UBE2R2: variants seen among roughly 807,000 people sequenced by gnomAD.
UBE2R2 encodes ubiquitin conjugating enzyme E2 R2.
A neutral mutation model predicts 27.8 loss-of-function variants in UBE2R2; 1 was observed. The ratio of observed to expected loss-of-function variants is 0.04; its 90% CI spans 0.01 to 0.17. UBE2R2 has a LOEUF of 0.17. Ranked by LOEUF, UBE2R2 falls within the 10% of genes least tolerant of loss-of-function variation. The probability of loss-of-function intolerance (pLI) is 1.00; values close to 1 mark genes in which losing one functional copy is unlikely to be tolerated. For missense variants in UBE2R2, 100 were observed against 291.0 expected, an observed-to-expected ratio of 0.34 and a Z score of 4.78; for synonymous variants, 106 against 113.3, an observed-to-expected ratio of 0.94 and a Z score of 0.41.
Position 33,854,701 on chromosome 9 carries a change from A to T in UBE2R2, c.178-32180A>T, listed in dbSNP as rs1587446861. Among the ~76,000 whole-genome samples, 3 of 151,554 alleles carry T rather than the reference A, an allele frequency of 2.0e-5. No homozygotes were observed. In the East Asian group the frequency reaches 5.8e-4, roughly 29 times the overall value. Reference sequence around the variant, plus strand: ...GATTAGTTTCTGAGAAGGGAGTATTAAAATCTGCAAGTGCAATTTTTTTTT... The same window carrying T: ...GATTAGTTTCTGAGAAGGGAGTATTTAAATCTGCAAGTGCAATTTTTTTTT... On this transcript the variant is annotated intron_variant, in intron 1 of 4. Coordinates refer to ENST00000263228, the MANE Select transcript of UBE2R2 (RefSeq NM_017811.4).
intron 1 of UBE2R2, among the ~76,000 whole-genome samples, chr9:33,873,920 G>A (rs897395673): frequency 6.6e-6 from 1 of 151,134 alleles, no homozygotes. Context: ...TAGGGTTTCA[G>A]GCATGAACCA....
At chr9:33,817,962 C>T (rs1208312015) in intron 1 of UBE2R2, 28 bp downstream of exon 1, 1 of 1,591,754 alleles carries the variant, frequency 6.3e-7, no homozygotes, top group Non-Finnish European at 8.6e-7. Flanking sequence ...CCGGACCCTG[C>T]TTCCGCGGCC....
chr9:33,904,270 C>T (rs1822304974), intron 3 of UBE2R2, among the ~76,000 whole-genome samples: 1 of 152,102 alleles, frequency 6.6e-6, no homozygotes, highest in Non-Finnish European at 1.5e-5. Context: ...TGGAAATGGG[C>T]AACTATTTTC....
upstream of UBE2R2, among the ~76,000 whole-genome samples, chr9:33,815,585 A>G (rs1056858188): frequency 2.6e-5 from 4 of 152,154 alleles, no homozygotes; most frequent in Non-Finnish European, 5.9e-5. Flanking sequence ...TCTCTACTAA[A>G]AATACAAAAA....
At chr9:33,892,533 T>A (rs7357700) in intron 2 of UBE2R2, among the ~76,000 whole-genome samples, 92,304 of 151,880 alleles carry the variant, frequency 0.61, 28,145 homozygotes, top group East Asian at 0.77. Context: ...CTCTATGGGG[T>A]TATACATTTA....
At chr9:33,836,085 C>T (rs1285523944) in intron 1 of UBE2R2, among the ~76,000 whole-genome samples, 1 of 152,168 alleles carries the variant, frequency 6.6e-6, no homozygotes, top group African/African-American at 2.4e-5. Flanking sequence ...AGATGGATCA[C>T]CTGAGGTCAG....
At chr9:33,830,681 T>C (rs928012676) in intron 1 of UBE2R2, among the ~76,000 whole-genome samples, 6 of 150,744 alleles carry the variant, frequency 4.0e-5, no homozygotes, top group Non-Finnish European at 8.8e-5. Context: ...GGCAGGAGAA[T>C]CTCTTGAACC....
chr9:33,914,261 A>C (rs868782422), intron 4 of UBE2R2, among the ~76,000 whole-genome samples: 59 of 152,378 alleles, frequency 3.9e-4, no homozygotes, highest in Non-Finnish European at 1.3e-4. Flanking sequence ...ATTTCCTAGC[A>C]GAGATAATTC....
intron 1 of UBE2R2, among the ~76,000 whole-genome samples, chr9:33,861,115 C>T (rs977780167): frequency 2.2e-4 from 34 of 151,376 alleles, no homozygotes; most frequent in South Asian, 2.1e-4. Flanking sequence ...CCCGCCACCA[C>T]GCCCGGCCAA....
At chr9:33,815,643 CTG>C (rs1049567841), upstream of UBE2R2, among the ~76,000 whole-genome samples, 3 of 152,124 alleles carry the variant, frequency 2.0e-5, no homozygotes, top group African/African-American at 7.2e-5. Flanking sequence ...ACTTGGGAGA[CTG>C]AGGTTAGAGG....
chr9:33,839,864 G>A (rs941708036), intron 1 of UBE2R2, among the ~76,000 whole-genome samples: 2 of 151,984 alleles, frequency 1.3e-5, no homozygotes, highest in Non-Finnish European at 2.9e-5. Flanking sequence ...CAAGTGTGGT[G>A]GTCTACCTGT....
chr9:33,872,747 C>T (rs889049290), intron 1 of UBE2R2, among the ~76,000 whole-genome samples: 4 of 150,290 alleles, frequency 2.7e-5, no homozygotes, highest in African/African-American at 4.9e-5. Flanking sequence ...GACCGCACCA[C>T]TGCACTCCAG....
intron 1 of UBE2R2, among the ~76,000 whole-genome samples, chr9:33,876,207 C>T (rs1821599272): frequency 6.6e-6 from 1 of 151,970 alleles, no homozygotes; most frequent in African/African-American, 2.4e-5. Flanking sequence ...ACTAAAAATA[C>T]AAAAATTAGC....
At chr9:33,869,543 G>A (rs1014032301) in intron 1 of UBE2R2, among the ~76,000 whole-genome samples, 7 of 150,960 alleles carry the variant, frequency 4.6e-5, no homozygotes, top group Admixed American at 4.0e-4. Context: ...GAGGCCTCCC[G>A]GGTTCAAGTG....
chr9:33,885,339 A>C (rs183105000), intron 1 of UBE2R2, among the ~76,000 whole-genome samples: 4 of 152,304 alleles, frequency 2.6e-5, no homozygotes, highest in Admixed American at 2.6e-4. Flanking sequence ...GCTTTTCCTT[A>C]ACGTTTTTGG....
intron 2 of UBE2R2, among the ~76,000 whole-genome samples, chr9:33,888,323 A>G (rs1411253497): frequency 1.3e-5 from 2 of 152,128 alleles, no homozygotes; most frequent in African/African-American, 4.8e-5. Context: ...ACAAACAAAA[A>G]AAAATTCTGT....
At position 33,871,840 on chromosome 9, in the gene UBE2R2, A is replaced by C. The variant is rs189115703; in HGVS notation, c.178-15041A>C. On this transcript the variant is annotated intron_variant, in intron 1 of 4. Transcript: ENST00000263228. ...ATTCTCCAGCCTCAGCCTCCTGAGT[A>C]GCTGGGACTACAGGTGTGTGCCACC... 2.0e-3 allele frequency among the ~76,000 whole-genome samples: 297 copies of C among 152,242 alleles called. 1 individual carries two copies. The highest frequency in any genetic ancestry group is 6.5e-3 in the African/African-American group (272 of 41,546).
At chr9:33,856,728 T>A (rs1021121870) in intron 1 of UBE2R2, among the ~76,000 whole-genome samples, 3 of 151,906 alleles carry the variant, frequency 2.0e-5, no homozygotes, top group South Asian at 2.1e-4. Flanking sequence ...TTCTTTCCAT[T>A]TTATGTTGTT....
intron 1 of UBE2R2, among the ~76,000 whole-genome samples, chr9:33,843,261 C>G (rs1199988020): frequency 6.6e-6 from 1 of 151,508 alleles, no homozygotes; most frequent in Non-Finnish European, 1.5e-5. Flanking sequence ...GTTGGCCAGG[C>G]TGGTCTCGAA....
Sources: allele counts gnomAD v4.1 joint callset (sites outside exome capture counted in the v4.1 genomes callset), GRCh38; gene constraint gnomAD v4.1.1; transcripts MANE v1.5; gene names NCBI Gene and HGNC (gene_info 2026-07-23, HGNC 2026-07-21).